Variants in ATF6 observed in about 807,000 individuals in gnomAD.
The protein encoded by ATF6 is activating transcription factor 6.
ATF6 carries 53 observed loss-of-function variants against 83.6 expected under a neutral mutation model. That is an observed-to-expected ratio of 0.63 (90% CI 0.51 to 0.80). The LOEUF is 0.80. Among genes scored for constraint, ATF6 ranks in the 30% least tolerant of loss-of-function variants. ATF6 has a pLI of 0.00. For missense variants in ATF6, 744 were observed against 797.9 expected, an observed-to-expected ratio of 0.93 and a Z score of 0.81; for synonymous variants, 288 against 285.8, an observed-to-expected ratio of 1.01 and a Z score of -0.08.
chr1:161,822,216 G>A (rs1486226414), intron 9 of ATF6, among the ~76,000 whole-genome samples: 3 of 151,618 alleles, frequency 2.0e-5, no homozygotes, highest in African/African-American at 7.3e-5. Flanking sequence ...GATTATCCAA[G>A]GAGAACAAGT....
chr1:161,925,453 C>T (rs1381307949), intron 15 of ATF6, among the ~76,000 whole-genome samples: 5 of 80,542 alleles, frequency 6.2e-5, no homozygotes, highest in Admixed American at 2.1e-4. Flanking sequence ...TGATTAGATA[C>T]AGTTTAAGTT....
At chr1:161,842,634 TCTCACTCA>T (rs2101814636) in intron 9 of ATF6, among the ~76,000 whole-genome samples, 1 of 152,274 alleles carries the variant, frequency 6.6e-6, no homozygotes, top group East Asian at 1.9e-4. Flanking sequence ...AGCGTTATAT[TCTCACTCA>T]TAAGTGGGAG....
rs1193743936 is a variant in ATF6 at position 161,959,070 on chromosome 1, C to T, written c.*416C>T. 1 of 156,922 alleles carries T rather than the reference C, an allele frequency of 6.4e-6. No homozygotes were observed. Among genetic ancestry groups the T allele is most frequent in the Non-Finnish European group, 1.4e-5 (1 of 71,020 alleles). The allele number at this position is 156,922 out of a possible 1,614,324, so 9.7% of individuals were successfully genotyped here. A position where few individuals can be genotyped will look rare whatever the true frequency, so the allele number is the denominator to read the frequency against. On this transcript the variant is annotated 3_prime_UTR_variant, in exon 16 of 16. Transcript: ENST00000367942. ...GAATTTTATTTAAAGCTATGCCACA[C>T]ATGCATGTTCAAATGGTTTCCACTG...
intron 14 of ATF6, among the ~76,000 whole-genome samples, chr1:161,898,826 G>A (rs1687727193): frequency 6.6e-6 from 1 of 152,180 alleles, no homozygotes; most frequent in Admixed American, 6.5e-5. Flanking sequence ...GGGATTACAG[G>A]TGTGAGCCAC....
At chr1:161,813,272 C>T (rs1010784542) in intron 7 of ATF6, among the ~76,000 whole-genome samples, 32 of 151,924 alleles carry the variant, frequency 2.1e-4, no homozygotes, top group African/African-American at 7.5e-4. Flanking sequence ...GAAAGATTGA[C>T]CTTATTTGAA....
rs181134292 is a variant in ATF6 at position 161,912,840 on chromosome 1, A to G, written c.1804+460A>G. On this transcript the variant is annotated intron_variant, in intron 15 of 15. Transcript: ENST00000367942. ...TGAGTTTGACACTGATAGTATTACTATTGCATTTTGTTATATTACTAGCCC... is the reference window on the plus strand; with the variant it reads ...TGAGTTTGACACTGATAGTATTACTGTTGCATTTTGTTATATTACTAGCCC... Among the ~76,000 whole-genome samples the G allele has an allele frequency of 1.2e-4, 18 of 152,280 alleles. 1 individual carries two copies. The highest frequency in any genetic ancestry group is 4.1e-4 in the African/African-American group (17 of 41,564).
intron 7 of ATF6, among the ~76,000 whole-genome samples, chr1:161,813,643 C>A (rs192789947): frequency 6.6e-6 from 1 of 152,092 alleles, no homozygotes; most frequent in Non-Finnish European, 1.5e-5. Context: ...AATTGATAAA[C>A]CTGATATTGG....
At chr1:161,803,534 G>A (rs188142467) in intron 7 of ATF6, among the ~76,000 whole-genome samples, 2 of 152,312 alleles carry the variant, frequency 1.3e-5, no homozygotes, top group African/African-American at 2.4e-5. Context: ...TACATAGCGT[G>A]TGTTTCAGTT....
chr1:161,774,694 A>G (rs1040482038), intron 1 of ATF6, among the ~76,000 whole-genome samples: 3 of 152,184 alleles, frequency 2.0e-5, no homozygotes, highest in African/African-American at 7.2e-5. Context: ...CTCTATTACT[A>G]CCCTATATTT....
intron 9 of ATF6, among the ~76,000 whole-genome samples, chr1:161,827,670 C>T (rs540333105): frequency 6.6e-6 from 1 of 151,158 alleles, no homozygotes; most frequent in East Asian, 1.9e-4. Context: ...ATAAAACACA[C>T]AAGTTTGCCA....
chr1:161,953,023 GAAT>G (rs1688895375), intron 15 of ATF6, among the ~76,000 whole-genome samples: 1 of 152,012 alleles, frequency 6.6e-6, no homozygotes, highest in Non-Finnish European at 1.5e-5. Context: ...TACAACATAG[GAAT>G]AATAATAATT....
At chr1:161,876,654 C>T (rs912431819) in intron 14 of ATF6, among the ~76,000 whole-genome samples, 5 of 151,790 alleles carry the variant, frequency 3.3e-5, no homozygotes, top group Admixed American at 3.3e-4. Flanking sequence ...GTTGCATAAG[C>T]GACAAGAAGA....
intron 15 of ATF6, among the ~76,000 whole-genome samples, chr1:161,936,797 T>A (rs1688545068): frequency 6.6e-6 from 1 of 152,222 alleles, no homozygotes; most frequent in South Asian, 2.1e-4. Context: ...CTGTTAAATA[T>A]CTTCACTTAG....
At chr1:161,798,623 A>G (rs1028315976) in intron 6 of ATF6, among the ~76,000 whole-genome samples, 1 of 152,110 alleles carries the variant, frequency 6.6e-6, no homozygotes, top group Non-Finnish European at 1.5e-5. Flanking sequence ...ATAAAAATCA[A>G]CTAAAGAGCT....
At chr1:161,830,711 G>T (rs1173028714) in intron 9 of ATF6, among the ~76,000 whole-genome samples, 1 of 152,202 alleles carries the variant, frequency 6.6e-6, no homozygotes, top group African/African-American at 2.4e-5. Context: ...GATTCCCTAA[G>T]TAATAAATGG....
At chr1:161,828,017 T>A (rs140054550) in intron 9 of ATF6, among the ~76,000 whole-genome samples, 333 of 152,276 alleles carry the variant, frequency 2.2e-3, no homozygotes, top group African/African-American at 7.7e-3. Context: ...AAATGTGAAT[T>A]GGTTAAAAAG....
intron 12 of ATF6, among the ~76,000 whole-genome samples, chr1:161,858,791 T>C (rs572578022): frequency 1.3e-5 from 2 of 152,330 alleles, no homozygotes; most frequent in South Asian, 4.1e-4. Context: ...AGAGGTTCCT[T>C]AGTTAATTGG....
At chr1:161,766,492 G>A (rs1404481727) in intron 1 of ATF6, 50 bp downstream of exon 1, 3 of 1,574,272 alleles carry the variant, frequency 1.9e-6, no homozygotes, top group South Asian at 2.2e-5. Context: ...CGCGTCTAAA[G>A]GTTTCTTCCT....
At chr1:161,958,072 T>C (rs1689003703) in intron 15 of ATF6, among the ~76,000 whole-genome samples, 1 of 152,202 alleles carries the variant, frequency 6.6e-6, no homozygotes, top group Non-Finnish European at 1.5e-5. Context: ...TTAGGGATTC[T>C]TCTCTGTATT....
Sources: allele counts gnomAD v4.1 joint callset (sites outside exome capture counted in the v4.1 genomes callset), GRCh38; gene constraint gnomAD v4.1.1; transcripts MANE v1.5; gene names NCBI Gene and HGNC (gene_info 2026-07-23, HGNC 2026-07-21).